Variants in NEO1 observed in about 807,000 individuals in gnomAD.
The protein encoded by NEO1 is neogenin.
NEO1 carries 63 observed loss-of-function variants against 159.7 expected under a neutral mutation model. The ratio of observed to expected loss-of-function variants is 0.39; its 90% confidence interval spans 0.32 to 0.49. NEO1 has a LOEUF of 0.49. Among genes scored for constraint, NEO1 ranks in the 20% least tolerant of loss-of-function variants. NEO1 has a pLI of 0.85. For missense variants in NEO1, 1,615 were observed against 1,831.0 expected, an observed-to-expected ratio of 0.88 and a Z score of 2.15; for synonymous variants, 633 against 662.0, an observed-to-expected ratio of 0.96 and a Z score of 0.67.
At chr15:73,094,510 T>C (rs1163496378) in intron 1 of NEO1, among the ~76,000 whole-genome samples, 1 of 152,246 alleles carries the variant, frequency 6.6e-6, no homozygotes, top group African/African-American at 2.4e-5. Flanking sequence ...TTGGCTATTA[T>C]GAATAATGCT....
intron 5 of NEO1, among the ~76,000 whole-genome samples, chr15:73,149,315 A>C (rs1041254013): frequency 6.6e-6 from 1 of 151,846 alleles, no homozygotes; most frequent in Admixed American, 6.6e-5. Context: ...CTCGGTCTAA[A>C]AAAAAAAAAA....
intron 26 of NEO1, among the ~76,000 whole-genome samples, chr15:73,298,065 C>A (rs969828847): frequency 6.6e-6 from 1 of 152,176 alleles, no homozygotes; most frequent in East Asian, 1.9e-4. Flanking sequence ...ATCTCAGGAA[C>A]CTTTACAAGT....
intron 7 of NEO1, among the ~76,000 whole-genome samples, chr15:73,229,913 G>T (rs1322788455): frequency 6.6e-6 from 1 of 152,116 alleles, no homozygotes; most frequent in East Asian, 1.9e-4. Flanking sequence ...ATTTTTTAAT[G>T]TGTTACCAAA....
chr15:73,140,933 A>G (rs1032959536), intron 5 of NEO1, among the ~76,000 whole-genome samples: 1 of 152,226 alleles, frequency 6.6e-6, no homozygotes, highest in African/African-American at 2.4e-5. Flanking sequence ...TTTAGAAGTC[A>G]GAATACTGAT....
At chr15:73,055,254 C>A (rs2067643559) in intron 1 of NEO1, among the ~76,000 whole-genome samples, 1 of 152,188 alleles carries the variant, frequency 6.6e-6, no homozygotes, top group African/African-American at 2.4e-5. Context: ...AGTGAACATT[C>A]TTCACCGAGG....
chr15:73,288,596 T>C (rs1400743392), intron 24 of NEO1, 45 bp downstream of exon 24: 3 of 1,529,808 alleles, frequency 2.0e-6, no homozygotes, highest in East Asian at 2.3e-5. Context: ...TAGGAAACTA[T>C]TTTCATTTAA....
chr15:73,240,462 G>T (rs779697527), intron 8 of NEO1, among the ~76,000 whole-genome samples: 1 of 152,220 alleles, frequency 6.6e-6, no homozygotes, highest in Non-Finnish European at 1.5e-5. Flanking sequence ...GGCCAAACTG[G>T]CCCAGAGCTT....
At chr15:73,127,512 T>C (rs1295681763) in intron 4 of NEO1, among the ~76,000 whole-genome samples, 1 of 152,194 alleles carries the variant, frequency 6.6e-6, no homozygotes, top group Admixed American at 6.5e-5. Context: ...TAGGTGGCAG[T>C]AGCACTTCCG....
In NEO1 at chr15:73,135,966, T is replaced by C. The variant is rs1228240535; in HGVS notation, c.954T>C (p.Tyr318=). ...SDVTEDDAGT[Y]FCIADNGNET... The stretch of plus-strand genomic sequence containing the variant: ...TTACTGAGGATGATGCTGGGACTTA[T>C]TTTTGTATAGCTGATAATGGAAATG... Residue 318 remains tyrosine (Y), a synonymous_variant, in exon 5 of 29, where the codon TAT becomes TAC. Transcript: ENST00000261908. 8 of 1,611,970 alleles carry C rather than the reference T, an allele frequency of 5.0e-6. No homozygotes were observed. The highest frequency in any genetic ancestry group is 6.8e-6 in the Non-Finnish European group (8 of 1,179,296).
chr15:73,111,038 T>C (rs2070956651), intron 1 of NEO1, among the ~76,000 whole-genome samples: 1 of 152,180 alleles, frequency 6.6e-6, no homozygotes, highest in African/African-American at 2.4e-5. Context: ...TATATACATA[T>C]ATAAAAGTAG....
intron 7 of NEO1, among the ~76,000 whole-genome samples, chr15:73,205,422 G>A (rs1441452520): frequency 5.3e-5 from 8 of 152,170 alleles, no homozygotes; most frequent in African/African-American, 1.9e-4. Flanking sequence ...CTCTGGAACA[G>A]GTTCTGGGCA....
chr15:73,067,434 A>G (rs1388736346), intron 1 of NEO1, among the ~76,000 whole-genome samples: 1 of 149,994 alleles, frequency 6.7e-6, no homozygotes, highest in African/African-American at 2.5e-5. Flanking sequence ...TTGCTGGTTG[A>G]CATGGATGCT....
intron 22 of NEO1, among the ~76,000 whole-genome samples, chr15:73,281,413 C>T (rs1043556225): frequency 6.6e-6 from 1 of 151,498 alleles, no homozygotes; most frequent in African/African-American, 2.4e-5. Flanking sequence ...GCCACCATGC[C>T]CGGCTAATTT....
At chr15:73,287,917 T>C (rs1247231029) in intron 23 of NEO1, among the ~76,000 whole-genome samples, 1 of 152,094 alleles carries the variant, frequency 6.6e-6, no homozygotes, top group Non-Finnish European at 1.5e-5. Context: ...CTCCCTCCTT[T>C]ATAAGCCACA....
intron 7 of NEO1, among the ~76,000 whole-genome samples, chr15:73,179,043 A>T (rs971555848): frequency 1.1e-4 from 16 of 152,216 alleles, no homozygotes; most frequent in African/African-American, 3.9e-4. Flanking sequence ...TTTTCTGATT[A>T]CCACCAAAAA....
chr15:73,087,977 AATTT>A (rs1459070645), intron 1 of NEO1, among the ~76,000 whole-genome samples: 4 of 152,008 alleles, frequency 2.6e-5, no homozygotes, highest in Non-Finnish European at 5.9e-5. Context: ...TTTTCCTGAT[AATTT>A]ATTTGACTTA....
intron 8 of NEO1, among the ~76,000 whole-genome samples, 158 bp from the exon 9 acceptor site, chr15:73,244,186 C>A (rs1262189621): frequency 6.6e-6 from 1 of 152,158 alleles, no homozygotes; most frequent in Non-Finnish European, 1.5e-5. Context: ...TTTTGCCAGT[C>A]CCCATCTTCT....
At chr15:73,196,877 A>G (rs1269468018) in intron 7 of NEO1, among the ~76,000 whole-genome samples, 1 of 152,134 alleles carries the variant, frequency 6.6e-6, no homozygotes, top group African/African-American at 2.4e-5. Flanking sequence ...TTTCCCATTC[A>G]TTGGAATTTA....
chr15:73,188,168 T>C (rs1001970002), intron 7 of NEO1, among the ~76,000 whole-genome samples: 1 of 152,128 alleles, frequency 6.6e-6, no homozygotes, highest in African/African-American at 2.4e-5. Flanking sequence ...TGGTGGCTTT[T>C]CTAAATTTTA....
Sources: allele counts gnomAD v4.1 joint callset (sites outside exome capture counted in the v4.1 genomes callset), GRCh38; gene constraint gnomAD v4.1.1; transcripts MANE v1.5; gene names NCBI Gene and HGNC (gene_info 2026-07-23, HGNC 2026-07-21).